Variants in UBAC2 observed in about 807,000 individuals in gnomAD.
UBAC2 encodes the protein UBA domain containing 2.
A neutral mutation model predicts 44.0 loss-of-function variants in UBAC2; 26 were observed. The observed-to-expected ratio is 0.59, with a 90% confidence interval of 0.43 to 0.82. The LOEUF (loss-of-function observed/expected upper bound fraction) is 0.82, where lower values mean the gene tolerates loss of function less well. Ranked by LOEUF, UBAC2 falls within the 40% of genes least tolerant of loss-of-function variation. The pLI is 0.00. For missense variants in UBAC2, 329 were observed against 419.4 expected (o/e 0.78, Z 1.88); for synonymous variants, 155 against 154.3 (o/e 1.00, Z -0.04).
intron 1 of UBAC2, among the ~76,000 whole-genome samples, chr13:99,224,358 C>T (rs1379461976): frequency 6.6e-6 from 1 of 152,182 alleles, no homozygotes; most frequent in African/African-American, 2.4e-5. Context: ...CAAACTTAGT[C>T]AGCATAGAGC....
At chr13:99,207,545 G>A (rs758227068) in intron 1 of UBAC2, among the ~76,000 whole-genome samples, 1 of 152,132 alleles carries the variant, frequency 6.6e-6, no homozygotes, top group East Asian at 1.9e-4. Context: ...CGATGGCGGG[G>A]CCCTGTTCTG....
chr13:99,360,657 G>C (rs2045253486), intron 7 of UBAC2, among the ~76,000 whole-genome samples: 1 of 152,140 alleles, frequency 6.6e-6, no homozygotes, highest in Non-Finnish European at 1.5e-5. Flanking sequence ...TGCCTTGCTT[G>C]CTCTCTTCTC....
At chr13:99,380,496 A>G (rs1001942347) in intron 8 of UBAC2, among the ~76,000 whole-genome samples, 2 of 152,210 alleles carry the variant, frequency 1.3e-5, no homozygotes, top group Non-Finnish European at 2.9e-5. Flanking sequence ...CTTACTGTCT[A>G]TATGGTGAAC....
chr13:99,205,405 G>A (rs1343373150), intron 1 of UBAC2, among the ~76,000 whole-genome samples: 1 of 152,150 alleles, frequency 6.6e-6, no homozygotes, highest in Admixed American at 6.5e-5. Context: ...GTCACGGAGC[G>A]GTGGTTGTCA....
intron 1 of UBAC2, chr13:99,201,318 T>C: frequency 6.7e-7 from 1 of 1,497,700 alleles, no homozygotes; most frequent in Non-Finnish European, 8.9e-7. Context: ...CCATGCCCCA[T>C]TCTTTTAGGC....
chr13:99,212,380 C>T (rs2042945497), intron 1 of UBAC2, among the ~76,000 whole-genome samples: 2 of 152,196 alleles, frequency 1.3e-5, no homozygotes, highest in East Asian at 3.9e-4. Flanking sequence ...ATGATTTTCC[C>T]CCCAGATTTT....
intron 4 of UBAC2, among the ~76,000 whole-genome samples, chr13:99,287,628 C>CT (rs1400158385): frequency 5.3e-3 from 669 of 127,026 alleles, no homozygotes; most frequent in African/African-American, 0.019. Flanking sequence ...TTTCTTTCTT[C>CT]TTTTTTTTTT....
At chr13:99,262,496 A>G (rs1207775062) in intron 4 of UBAC2, among the ~76,000 whole-genome samples, 4 of 152,118 alleles carry the variant, frequency 2.6e-5, no homozygotes, top group Non-Finnish European at 5.9e-5. Flanking sequence ...TGAGGTCAGG[A>G]GTTCGAGACT....
rs780722015 is a variant in UBAC2 at position 99,238,276 on chromosome 13, T to C, written c.32-151T>C. 70 of 1,004,916 alleles carry C rather than the reference T, an allele frequency of 7.0e-5. 1 individual carries two copies. The highest frequency in any genetic ancestry group is 6.3e-5 in the Non-Finnish European group (44 of 694,666). The allele number at this position is 1,004,916 out of a possible 1,614,324, so 62.2% of individuals were successfully genotyped here. On this transcript the variant is annotated intron_variant, in intron 1 of 8. Transcript: ENST00000403766. Reference sequence around the variant, plus strand: ...ATCACTTACATCCCCAGGTCGATGTTTTGAAAGTGGATATTAGAACCAAAT... The same window carrying C: ...ATCACTTACATCCCCAGGTCGATGTCTTGAAAGTGGATATTAGAACCAAAT...
chr13:99,254,847 G>A (rs1156601242), intron 4 of UBAC2: 10 of 1,557,524 alleles, frequency 6.4e-6, no homozygotes, highest in Non-Finnish European at 8.7e-6. Flanking sequence ...AGTGAATTTT[G>A]ATGGGATTGA....
intron 4 of UBAC2, among the ~76,000 whole-genome samples, chr13:99,307,680 T>C (rs1490698259): frequency 6.6e-6 from 1 of 152,228 alleles, no homozygotes; most frequent in Non-Finnish European, 1.5e-5. Flanking sequence ...AAAAATTCTT[T>C]GAAAGAGACT....
At chr13:99,232,615 A>C (rs752678537) in intron 1 of UBAC2, among the ~76,000 whole-genome samples, 3 of 152,110 alleles carry the variant, frequency 2.0e-5, no homozygotes, top group Non-Finnish European at 2.9e-5. Flanking sequence ...ACAGAAATGC[A>C]AAGTCCTTAG....
At chr13:99,308,150 A>C (rs2044363786) in intron 4 of UBAC2, among the ~76,000 whole-genome samples, 1 of 152,238 alleles carries the variant, frequency 6.6e-6, no homozygotes, top group African/African-American at 2.4e-5. Flanking sequence ...TGTAGGCTAA[A>C]TTACCAGATA....
At chr13:99,215,877 A>G (rs916636160) in intron 1 of UBAC2, 1 of 447,586 alleles carries the variant, frequency 2.2e-6, no homozygotes. Context: ...AGTTCTTACT[A>G]TTCCTGATCG....
At chr13:99,212,654 A>G (rs752037812) in intron 1 of UBAC2, among the ~76,000 whole-genome samples, 6 of 152,258 alleles carry the variant, frequency 3.9e-5, no homozygotes, top group Non-Finnish European at 8.8e-5. Flanking sequence ...ATTGGGGGAC[A>G]TAAAATATAG....
intron 4 of UBAC2, chr13:99,255,661 A>G: frequency 1.2e-6 from 2 of 1,614,100 alleles, no homozygotes; most frequent in Non-Finnish European, 1.7e-6. Context: ...AGTCATTATA[A>G]ATATCAAGTC....
chr13:99,286,423 C>T (rs942720902), intron 4 of UBAC2, among the ~76,000 whole-genome samples: 1 of 152,112 alleles, frequency 6.6e-6, no homozygotes, highest in Non-Finnish European at 1.5e-5. Context: ...TCTGGTATAA[C>T]CTATTCTTTG....
At chr13:99,348,526 T>C (rs1329859864) in intron 7 of UBAC2, among the ~76,000 whole-genome samples, 1 of 152,156 alleles carries the variant, frequency 6.6e-6, no homozygotes, top group Non-Finnish European at 1.5e-5. Context: ...GAGGTTCCTA[T>C]AAGAAAGAGG....
intron 1 of UBAC2, among the ~76,000 whole-genome samples, chr13:99,237,263 T>TACACACACACAC (rs753374485): frequency 2.2e-5 from 2 of 90,454 alleles, no homozygotes; most frequent in East Asian, 4.0e-4. Flanking sequence ...CGTATATATA[T>TACACACACACAC]ATATATATAC....
Sources: gnomAD v4.1 joint callset for allele counts (sites outside exome capture counted in the v4.1 genomes callset) on GRCh38, gnomAD v4.1.1 for gene constraint, MANE v1.5 for transcripts, NCBI Gene and HGNC (gene_info 2026-07-23, HGNC 2026-07-21) for gene names.